Variants in CUX1 observed in about 807,000 individuals in gnomAD.
CUX1 encodes the protein cut like homeobox 1, also known as protein CASP.
A neutral mutation model predicts 158.8 loss-of-function variants in CUX1; 31 were observed. The ratio of observed to expected loss-of-function variants is 0.20; its 90% CI spans 0.15 to 0.26. The LOEUF (loss-of-function observed/expected upper bound fraction) is 0.26, where lower values mean the gene tolerates loss of function less well. Ranked by LOEUF, CUX1 falls within the 10% of genes least tolerant of loss-of-function variation. CUX1 has a pLI of 1.00. For synonymous variants in CUX1, 879 were observed against 862.1 expected (o/e 1.02, Z -0.34); for missense variants, 1,589 against 2,014.6 (o/e 0.79, Z 4.04).
intron 2 of CUX1, among the ~76,000 whole-genome samples, chr7:101,984,092 ATATATATATATATATAT>A (rs1813892070): frequency 2.5e-4 from 5 of 19,622 alleles, no homozygotes; most frequent in Non-Finnish European, 4.1e-4. Context: ...AAAAAAAAAT[ATATATATATATATATAT>A]ATATATATAT....
Position 102,255,739 on chromosome 7 carries a change from C to G in CUX1, c.*6697C>G, listed in dbSNP as rs782445967. The G allele has an allele frequency of 3.0e-6, 3 of 985,262 alleles. No homozygotes were observed. The highest frequency in any genetic ancestry group is 6.1e-5 in the Admixed American group (1 of 16,266). 61.0% of individuals were successfully genotyped at this position (985,262 alleles called of 1,614,324 possible). On this transcript the variant is annotated 3_prime_UTR_variant, in exon 24 of 24. Coordinates refer to ENST00000292535, the MANE Select transcript of CUX1 (RefSeq NM_181552.4). ...AGCATTGGGACTTCTGCTGGTGAAA[C>G]AAGAGACCATTCAGCAAGACACATT... is the stretch of plus-strand genomic sequence containing the variant.
chr7:101,860,835 CTTG>C (rs1003777124), intron 1 of CUX1, among the ~76,000 whole-genome samples: 9 of 141,524 alleles, frequency 6.4e-5, no homozygotes, highest in African/African-American at 1.8e-4. Context: ...GAGACAGAGT[CTTG>C]TTGTGTCACC....
intron 2 of CUX1, among the ~76,000 whole-genome samples, chr7:101,983,712 G>T (rs1813792527): frequency 6.6e-6 from 1 of 152,018 alleles, no homozygotes; most frequent in South Asian, 2.1e-4. Flanking sequence ...GGAGGTCCCA[G>T]ACTCTTTTAA....
At chr7:102,079,204 G>A (rs1380149827) in intron 4 of CUX1, among the ~76,000 whole-genome samples, 3 of 152,196 alleles carry the variant, frequency 2.0e-5, no homozygotes, top group South Asian at 2.1e-4. Context: ...TTGGGAGGCC[G>A]AGGCAGGCGG....
At chr7:102,266,653 C>T (rs1554545152) in intron 14 of CUX1, among the ~76,000 whole-genome samples, 1 of 151,806 alleles carries the variant, frequency 6.6e-6, no homozygotes, top group Non-Finnish European at 1.5e-5. Flanking sequence ...AGGGCAAGGA[C>T]CAGTCAAGGA....
Position 102,028,770 on chromosome 7 carries a change from G to A in CUX1, c.189+625G>A, listed in dbSNP as rs543383168. ...GAACAGCAGCCATAGAGGGGACTGGGCTCCACGTGAGTGACACTCTTTGCC... is the reference window on the plus strand; with the variant it reads ...GAACAGCAGCCATAGAGGGGACTGGACTCCACGTGAGTGACACTCTTTGCC... On this transcript the variant is annotated intron_variant, in intron 3 of 23. Coordinates refer to ENST00000292535, the MANE Select transcript of CUX1 (RefSeq NM_181552.4). Among the ~76,000 whole-genome samples, 35 of 152,314 alleles carry A rather than the reference G, an allele frequency of 2.3e-4. No individual in the cohort carries two copies. In the East Asian group the frequency reaches 6.6e-3, roughly 29 times the overall value.
chr7:102,279,215 C>CTCAG (rs1791865373), intron 18 of CUX1, among the ~76,000 whole-genome samples: 1 of 152,108 alleles, frequency 6.6e-6, no homozygotes, highest in African/African-American at 2.4e-5. Context: ...GTGTCATGCA[C>CTCAG]CTGTAATCCC....
chr7:102,202,461 C>T (rs555472799), intron 18 of CUX1, among the ~76,000 whole-genome samples: 15 of 152,124 alleles, frequency 9.9e-5, no homozygotes, highest in Middle Eastern at 3.2e-3. Flanking sequence ...CCTCACTTGG[C>T]GCTGGGAAGT....
intron 2 of CUX1, among the ~76,000 whole-genome samples, chr7:102,010,681 A>G (rs1273535184): frequency 1.3e-5 from 2 of 152,246 alleles, no homozygotes; most frequent in Admixed American, 6.5e-5. Flanking sequence ...TGGCACATTT[A>G]TAGGATGAAG....
intron 2 of CUX1, among the ~76,000 whole-genome samples, chr7:101,958,844 CTTT>C (rs10667965): frequency 6.1e-5 from 4 of 65,816 alleles, no homozygotes; most frequent in African/African-American, 2.4e-4. Flanking sequence ...AGATGATGCC[CTTT>C]TTTTTTTTTT....
chr7:102,003,295 A>AACACACACACACAC (rs56760446), intron 2 of CUX1, among the ~76,000 whole-genome samples: 2,398 of 131,886 alleles, frequency 0.018, 38 homozygotes, highest in East Asian at 0.032. Flanking sequence ...CCTGGTGCCG[A>AACACACACACACAC]ACACACACAC....
chr7:101,825,311 T>G (rs1390543330), intron 1 of CUX1, among the ~76,000 whole-genome samples: 1 of 152,214 alleles, frequency 6.6e-6, no homozygotes. Flanking sequence ...CAGAATTGCT[T>G]TATTTCAGCC....
Position 102,035,001 on chromosome 7 carries a change from G to A in CUX1, c.189+6856G>A, listed in dbSNP as rs748010925. 5.7e-4 allele frequency among the ~76,000 whole-genome samples: 86 copies of A among 149,978 alleles called. 2 individuals carry two copies. Among genetic ancestry groups the A allele is most frequent in the Non-Finnish European group, 1.8e-4 (12 of 67,778 alleles). The stretch of plus-strand genomic sequence containing the variant: ...AATAGAGGGAAACATCTTAGGAATA[G>A]AGGGAAACTTCTTTAATGTGGTAAA... On this transcript the variant is annotated intron_variant, in intron 3 of 23. Transcript: ENST00000292535.
chr7:102,280,651 A>T (rs1327152746), intron 19 of CUX1, among the ~76,000 whole-genome samples: 1 of 152,068 alleles, frequency 6.6e-6, no homozygotes, highest in Non-Finnish European at 1.5e-5. Flanking sequence ...CTGTGCACCC[A>T]GGGAAGCCCC....
chr7:102,201,222 G>A lies in CUX1; in HGVS notation c.2063-138G>A. 1.6e-6 allele frequency: 2 copies of A among 1,285,308 alleles called. No homozygotes were observed. The highest frequency in any genetic ancestry group is 2.2e-5 in the Admixed American group (1 of 45,632). The allele number at this position is 1,285,308 out of a possible 1,614,324, so 79.6% of individuals were successfully genotyped here. ...AAGATGCCTGAATGTTTCACTGACA[G>A]GGGCCATGCTGGGGAAATACACAGT... On this transcript the variant is annotated intron_variant, in intron 17 of 23. Transcript: ENST00000292535. This position sits in a 1 kb window ranked among gnomAD's most constrained non-coding sequence, Gnocchi z 5.0.
At chr7:102,180,919 G>GTATTTTATTTTATTT (rs1186410987) in intron 11 of CUX1, among the ~76,000 whole-genome samples, 3 of 51,542 alleles carry the variant, frequency 5.8e-5, no homozygotes, top group East Asian at 4.7e-4. Context: ...TTATTTTATT[G>GTATTTTATTTTATTT]TATTTTATTT....
rs1171755014 is a variant in CUX1, at chr7:102,254,120, A to G, written c.*5078A>G. The G allele has an allele frequency of 1.0e-6, 1 of 985,276 alleles. No homozygotes were observed. Among genetic ancestry groups the G allele is most frequent in the Admixed American group, 6.1e-5 (1 of 16,264 alleles). The allele number at this position is 985,276 out of a possible 1,614,324, so 61.0% of individuals were successfully genotyped here. On this transcript the variant is annotated 3_prime_UTR_variant, in exon 24 of 24. Transcript: ENST00000292535. ...ACACGGACAAACAGCTGTGCTCTGC[A>G]AGGCACACGGATGTTTCCCTTCCAC...
intron 2 of CUX1, chr7:101,932,425 ACGCG>A (rs1331731221): frequency 5.5e-6 from 2 of 364,172 alleles, no homozygotes; most frequent in Non-Finnish European, 1.1e-5. Context: ...CACCAGGAAT[ACGCG>A]CAGAGATGTT....
chr7:102,192,302 GC>G (rs1794362826), intron 12 of CUX1, among the ~76,000 whole-genome samples: 1 of 152,132 alleles, frequency 6.6e-6, no homozygotes, highest in Non-Finnish European at 1.5e-5. Flanking sequence ...GATCCCTCCT[GC>G]TGGGGTCCTC....
Sources: gnomAD v4.1 joint callset for allele counts (sites outside exome capture counted in the v4.1 genomes callset) on GRCh38, gnomAD v4.1.1 for gene constraint, Gnocchi (gnomAD v3.1) non-coding constraint, MANE v1.5 for transcripts, NCBI Gene and HGNC (gene_info 2026-07-23, HGNC 2026-07-21) for gene names.